The following FAAH2 variants were observed in gnomAD, a reference collection of about 807,000 sequenced individuals.
The protein encoded by FAAH2 is fatty acid amide hydrolase 2, also known as fatty-acid amide hydrolase 2.
A neutral mutation model predicts 36.9 loss-of-function variants in FAAH2; 60 were observed. That is an observed-to-expected ratio of 1.63 (90% CI 1.32 to 2.02). The LOEUF (loss-of-function observed/expected upper bound fraction) is 2.02. FAAH2 is among the 30% of genes most tolerant of loss of function. The pLI is 0.00. For synonymous variants in FAAH2, 214 were observed against 143.8 expected, an observed-to-expected ratio of 1.49 and a Z score of -3.49; for missense variants, 689 against 397.5, an observed-to-expected ratio of 1.73 and a Z score of -6.23.
At chrX:57,360,864 C>T (rs1402800118) in intron 5 of FAAH2, among the ~76,000 whole-genome samples, 2 of 110,413 alleles carry the variant, frequency 1.8e-5, no homozygotes, top group Non-Finnish European at 3.8e-5. Context: ...GTGTGTTGTT[C>T]CCCTCCCTGT....
the FAAH2 span, among the ~76,000 whole-genome samples, chrX:57,209,751 G>A: frequency 9.0e-6 from 1 of 111,184 alleles, no homozygotes; most frequent in African/African-American, 3.3e-5. Flanking sequence ...TCAGCACCAG[G>A]ACTCAACTGC....
At chrX:57,378,889 ATTTTTACAGGT>A in intron 6 of FAAH2, 103 bp downstream of exon 6, 4 of 994,977 alleles carry the variant, frequency 4.0e-6, no homozygotes, top group Non-Finnish European at 5.4e-6. Flanking sequence ...CAAGCAAATA[ATTTTTACAGGT>A]TTTTATGAGA....
chrX:57,397,280 C>T (rs910886199), intron 7 of FAAH2, among the ~76,000 whole-genome samples: 8 of 111,735 alleles, frequency 7.2e-5, no homozygotes, highest in African/African-American at 2.6e-4. Flanking sequence ...AGTACTGATA[C>T]ATGAGGTTCT....
intron 7 of FAAH2, among the ~76,000 whole-genome samples, chrX:57,413,289 T>G (rs1458155871): frequency 8.9e-6 from 1 of 112,468 alleles, no homozygotes; most frequent in Non-Finnish European, 1.9e-5. Flanking sequence ...AGTCATAAAG[T>G]CCTTGCCCAT....
At chrX:57,384,972 C>T (rs1285830078) in intron 7 of FAAH2, among the ~76,000 whole-genome samples, 1 of 111,513 alleles carries the variant, frequency 9.0e-6, no homozygotes, top group African/African-American at 3.3e-5. Context: ...GAGTTCATGT[C>T]ATTTGTAGGG....
chrX:57,447,591 G>A (rs957878852), intron 9 of FAAH2, among the ~76,000 whole-genome samples: 3 of 112,133 alleles, frequency 2.7e-5, no homozygotes, highest in African/African-American at 6.5e-5. Context: ...CTTGATTTTT[G>A]TTCACCCACA....
the FAAH2 span, among the ~76,000 whole-genome samples, chrX:57,242,442 A>T: frequency 6.2e-5 from 7 of 112,377 alleles, no homozygotes; most frequent in African/African-American, 2.3e-4. Flanking sequence ...ACCCCATTTA[A>T]AAAAACCCAT....
At chrX:57,340,611 A>G (rs899996517) in intron 4 of FAAH2, among the ~76,000 whole-genome samples, 3 of 112,319 alleles carry the variant, frequency 2.7e-5, no homozygotes, top group Non-Finnish European at 5.6e-5. Context: ...CTATTCAGCC[A>G]TGAAAAGGAA....
chrX:57,225,318 G>A, the FAAH2 span, among the ~76,000 whole-genome samples: 5 of 110,981 alleles, frequency 4.5e-5, no homozygotes, highest in East Asian at 2.8e-4. Context: ...AGCTGTATCC[G>A]AAAGTTTTTG....
intron 2 of FAAH2, among the ~76,000 whole-genome samples, chrX:57,298,825 C>T (rs2052232251): frequency 1.0e-5 from 1 of 98,878 alleles, no homozygotes; most frequent in African/African-American, 3.7e-5. Context: ...ACTATAAACA[C>T]CTGTATGCAA....
chrX:57,440,084 G>A (rs1287494433), intron 8 of FAAH2, among the ~76,000 whole-genome samples: 1 of 111,401 alleles, frequency 9.0e-6, no homozygotes, highest in African/African-American at 3.3e-5. Context: ...TGGTGATGCG[G>A]GCTCTTTTTT....
chrX:57,445,677 C>T (rs1429985327), intron 8 of FAAH2, among the ~76,000 whole-genome samples: 23 of 112,050 alleles, frequency 2.1e-4, no homozygotes. Flanking sequence ...CTTCATTTTA[C>T]TATAGCTACG....
At chrX:57,359,950 G>A (rs775533683) in intron 5 of FAAH2, among the ~76,000 whole-genome samples, 2 of 108,029 alleles carry the variant, frequency 1.9e-5, no homozygotes, top group South Asian at 3.9e-4. Flanking sequence ...GCTGAACATA[G>A]TGTTTTTATT....
In FAAH2 at chrX:57,324,588, T is replaced by G. The variant is rs1303509697; in HGVS notation, c.413-7010T>G. On this transcript the variant is annotated intron_variant, in intron 3 of 10. Transcript: ENST00000374900. ...GTAAGTTGGATTCCTAGGTATTTTATTCTCTTTGAAGCAATTGTGAATGGG... is the reference window on the plus strand; with the variant it reads ...GTAAGTTGGATTCCTAGGTATTTTAGTCTCTTTGAAGCAATTGTGAATGGG... Among the ~76,000 whole-genome samples, 4 of 111,925 alleles carry G rather than the reference T, an allele frequency of 3.6e-5. 1 individual carries two copies. The highest frequency in any genetic ancestry group is 2.8e-4 in the Admixed American group (3 of 10,534).
intron 2 of FAAH2, among the ~76,000 whole-genome samples, chrX:57,294,870 C>A (rs2052086288): frequency 9.0e-6 from 1 of 111,192 alleles, no homozygotes; most frequent in Non-Finnish European, 1.9e-5. Flanking sequence ...CCAGAAACCA[C>A]ACTATTTTAA....
At chrX:57,176,732 T>C in the FAAH2 span, among the ~76,000 whole-genome samples, 2 of 112,065 alleles carry the variant, frequency 1.8e-5, no homozygotes, top group South Asian at 7.3e-4. Context: ...GCATTTATTT[T>C]TTATTCCATT....
intron 5 of FAAH2, among the ~76,000 whole-genome samples, chrX:57,360,555 A>G (rs1728951052): frequency 9.1e-6 from 1 of 109,339 alleles, no homozygotes; most frequent in Non-Finnish European, 1.9e-5. Context: ...TGATATTCTC[A>G]TTTTGTCTGT....
chrX:57,161,315 G>A, the FAAH2 span, among the ~76,000 whole-genome samples: 4 of 111,782 alleles, frequency 3.6e-5, no homozygotes, highest in African/African-American at 1.3e-4. Context: ...GTGATGTGGT[G>A]CTGAAAAGAA....
chrX:57,381,294 G>A lies in FAAH2; in HGVS notation c.996+265G>A, dbSNP rs937050996. 4.5e-5 allele frequency among the ~76,000 whole-genome samples: 5 copies of A among 111,264 alleles called. No individual in the cohort carries two copies. The East Asian group carries it at 1.4e-3, about 31-fold the overall frequency. On this transcript the variant is annotated intron_variant, in intron 7 of 10. Coordinates refer to ENST00000374900, the MANE Select transcript of FAAH2 (RefSeq NM_174912.4). ...CAGAGGTAACTGTCATTAATAATTT[G>A]GTATGTATCTATCCAGTGATTCTCC...
Sources: gnomAD v4.1 joint callset for allele counts (sites outside exome capture counted in the v4.1 genomes callset) on GRCh38, gnomAD v4.1.1 for gene constraint, MANE v1.5 for transcripts, NCBI Gene and HGNC (gene_info 2026-07-23, HGNC 2026-07-21) for gene names.